The following QTGAL variants were observed in gnomAD, a reference collection of about 807,000 sequenced individuals.
The protein encoded by QTGAL is queuosine-tRNA galactosyltransferase.
the QTGAL span, among the ~76,000 whole-genome samples, chr17:83,000,842 A>C: frequency 6.6e-6 from 1 of 152,232 alleles, no homozygotes. Flanking sequence ...AATTATGCTG[A>C]GTGAAGGTGG....
chr17:82,999,894 C>T, the QTGAL span, among the ~76,000 whole-genome samples: 9 of 152,240 alleles, frequency 5.9e-5, no homozygotes, highest in South Asian at 2.1e-4. Flanking sequence ...TTTATAGGAT[C>T]GCCTTAAACA....
chr17:83,000,819 C>G, the QTGAL span, among the ~76,000 whole-genome samples: 4 of 152,246 alleles, frequency 2.6e-5, no homozygotes, highest in Non-Finnish European at 5.9e-5. Flanking sequence ...AGCCACGCAT[C>G]TGGACCCACA....
the QTGAL span, among the ~76,000 whole-genome samples, chr17:82,964,494 G>A: frequency 5.3e-5 from 8 of 152,062 alleles, no homozygotes; most frequent in African/African-American, 1.9e-4. Flanking sequence ...TAAAACGGAC[G>A]CCTACAGGTG....
the QTGAL span, among the ~76,000 whole-genome samples, chr17:83,033,909 T>C: frequency 2.0e-5 from 3 of 152,284 alleles, no homozygotes; most frequent in East Asian, 5.8e-4. Context: ...TCTGCTTCTG[T>C]CCTCTGCCTA....
chr17:83,049,751 C>G, the QTGAL span, among the ~76,000 whole-genome samples: 1 of 152,152 alleles, frequency 6.6e-6, no homozygotes, highest in African/African-American at 2.4e-5. Flanking sequence ...TTCCTTTGTC[C>G]TACACTTCGT....
At chr17:83,034,816 G>A in the QTGAL span, among the ~76,000 whole-genome samples, 2 of 152,146 alleles carry the variant, frequency 1.3e-5, no homozygotes, top group African/African-American at 2.4e-5. Flanking sequence ...AGACCTGCCC[G>A]GACACATGGA....
chr17:83,048,246 T>C, the QTGAL span, among the ~76,000 whole-genome samples: 1 of 152,210 alleles, frequency 6.6e-6, no homozygotes, highest in African/African-American at 2.4e-5. Context: ...CACGCTGGTC[T>C]TGAACTCTTG....
chr17:83,013,679 G>A, the QTGAL span, among the ~76,000 whole-genome samples: 9 of 151,734 alleles, frequency 5.9e-5, no homozygotes, highest in African/African-American at 9.7e-5. Flanking sequence ...TGACCCAACC[G>A]CACACGTGCC....
At chr17:83,023,675 C>T in the QTGAL span, among the ~76,000 whole-genome samples, 2 of 152,224 alleles carry the variant, frequency 1.3e-5, no homozygotes, top group Non-Finnish European at 2.9e-5. Flanking sequence ...GTCTCAAAAC[C>T]ACCCAAGACA....
At chr17:82,949,118 C>T in the QTGAL span, 1 of 152,142 alleles carries the variant, frequency 6.6e-6, no homozygotes. Flanking sequence ...TGCTTTCCCT[C>T]CCTTTAAGGG....
chr17:83,031,679 T>A, the QTGAL span, among the ~76,000 whole-genome samples: 10 of 152,290 alleles, frequency 6.6e-5, no homozygotes, highest in East Asian at 9.6e-4. Flanking sequence ...GAGAACGGTG[T>A]GCAGGGAGGC....
At chr17:82,993,124 A>G in the QTGAL span, among the ~76,000 whole-genome samples, 59 of 152,292 alleles carry the variant, frequency 3.9e-4, no homozygotes, top group African/African-American at 1.3e-3. Context: ...TTATTTATCA[A>G]TAGTAACATT....
At chr17:83,006,783 C>T in the QTGAL span, 7 of 985,314 alleles carry the variant, frequency 7.1e-6, no homozygotes, top group African/African-American at 1.7e-5. The surrounding 1 kb of genome is among the most constrained non-coding windows in gnomAD (Gnocchi z 5.8). Context: ...CCTGTGCTGG[C>T]GATCCCGAAC....
At chr17:82,970,562 ACC>A in the QTGAL span, among the ~76,000 whole-genome samples, 2 of 129,368 alleles carry the variant, frequency 1.5e-5, no homozygotes, top group African/African-American at 3.1e-5. Context: ...CGTGGCCGCG[ACC>A]TCCGCACCCG....
the QTGAL span, among the ~76,000 whole-genome samples, chr17:83,001,405 T>C: frequency 1.3e-5 from 2 of 152,130 alleles, no homozygotes; most frequent in African/African-American, 4.8e-5. Context: ...TAGATCTCAA[T>C]TCAAACCAGA....
chr17:82,970,543 C>T, the QTGAL span, among the ~76,000 whole-genome samples: 1 of 133,166 alleles, frequency 7.5e-6, no homozygotes, highest in Non-Finnish European at 1.5e-5. Flanking sequence ...CCGCGACCTC[C>T]GCACCCGGCG....
the QTGAL span, chr17:83,035,145 G>A: frequency 1.0e-5 from 15 of 1,503,672 alleles, no homozygotes; most frequent in Middle Eastern, 1.7e-4. Context: ...TCAGTTTCCA[G>A]CAGCATTCTC....
At chr17:83,028,218 T>G in the QTGAL span, among the ~76,000 whole-genome samples, 5 of 151,990 alleles carry the variant, frequency 3.3e-5, no homozygotes, top group African/African-American at 1.2e-4. Context: ...GAATGGCCAA[T>G]AAACCCACGA....
chr17:82,960,987 G>GCCCCGA, the QTGAL span: 7 of 1,532,438 alleles, frequency 4.6e-6, no homozygotes. Flanking sequence ...ACCAACCCCG[G>GCCCCGA]CCCCGACCTC....
Sources: gnomAD v4.1 joint callset for allele counts (sites outside exome capture counted in the v4.1 genomes callset) on GRCh38, gnomAD v4.1.1 for gene constraint, Gnocchi (gnomAD v3.1) non-coding constraint, MANE v1.5 for transcripts, NCBI Gene and HGNC (gene_info 2026-07-23, HGNC 2026-07-21) for gene names.